Variants in MGMT observed in about 807,000 individuals in gnomAD.
The protein encoded by MGMT is methylated-DNA--protein-cysteine methyltransferase.
A neutral mutation model predicts 15.9 loss-of-function variants in MGMT; 14 were observed. The observed-to-expected ratio is 0.88, with a 90% confidence interval of 0.58 to 1.37. The LOEUF (loss-of-function observed/expected upper bound fraction) is 1.37, where lower values mean the gene tolerates loss of function less well. MGMT is among the 40% of genes most tolerant of loss of function. MGMT has a pLI of 0.00. For missense variants in MGMT, 282 were observed against 268.1 expected, an observed-to-expected ratio of 1.05 and a Z score of -0.36; for synonymous variants, 130 against 118.2, an observed-to-expected ratio of 1.10 and a Z score of -0.65.
chr10:129,622,164 G>A (rs1218301852), intron 2 of MGMT, among the ~76,000 whole-genome samples: 1 of 152,138 alleles, frequency 6.6e-6, no homozygotes, highest in Non-Finnish European at 1.5e-5. Context: ...GCTTTGAGAC[G>A]GAATACCTGA....
intron 2 of MGMT, among the ~76,000 whole-genome samples, chr10:129,679,564 T>C (rs773775093): frequency 1.2e-4 from 19 of 152,196 alleles, no homozygotes; most frequent in Non-Finnish European, 2.1e-4. Context: ...AAAGTTTCTG[T>C]CTTGAATGAA....
intron 2 of MGMT, among the ~76,000 whole-genome samples, chr10:129,677,169 T>TG (rs940819940): frequency 5.1e-4 from 44 of 85,506 alleles, no homozygotes; most frequent in Non-Finnish European, 8.1e-4. Context: ...GAAACACATG[T>TG]GTTTTTTTTT....
chr10:129,489,009 G>T (rs926227613), intron 1 of MGMT, among the ~76,000 whole-genome samples: 1 of 152,054 alleles, frequency 6.6e-6, no homozygotes, highest in Non-Finnish European at 1.5e-5. Flanking sequence ...TGATCTTTTT[G>T]TCTTTCTGTA....
chr10:129,723,306 T>C (rs571391692), intron 3 of MGMT, among the ~76,000 whole-genome samples: 1 of 152,278 alleles, frequency 6.6e-6, no homozygotes, highest in Admixed American at 6.5e-5. Flanking sequence ...CCAAAGTCTA[T>C]TGTGTCATTC....
rs923094434 is a variant in MGMT at position 129,770,568 on chromosome 10, G to A, written c.*3571G>A. On this transcript the variant is annotated 3_prime_UTR_variant, in exon 5 of 5. Transcript: ENST00000651593. ...GTGGCGCCAGCTCGGACTTCACCCC[G>A]TTGGAGCGGGCAGGATGTCACACTG... Among the ~76,000 whole-genome samples, 18 of 152,236 alleles carry A rather than the reference G, an allele frequency of 1.2e-4. No homozygotes were observed. The highest frequency in any genetic ancestry group is 4.1e-4 in the African/African-American group (17 of 41,454).
chr10:129,696,320 TC>T (rs1230631658), intron 2 of MGMT, among the ~76,000 whole-genome samples: 21 of 93,524 alleles, frequency 2.2e-4, no homozygotes, highest in Admixed American at 9.8e-4. Context: ...TTGCATTATA[TC>T]AGGGGGTGGG....
At chr10:129,555,574 G>T (rs1028696449) in intron 2 of MGMT, among the ~76,000 whole-genome samples, 1 of 152,012 alleles carries the variant, frequency 6.6e-6, no homozygotes, top group Non-Finnish European at 1.5e-5. Context: ...AATTATCCAG[G>T]CCTGGTGGAA....
chr10:129,555,000 G>T (rs1448157340), intron 2 of MGMT, among the ~76,000 whole-genome samples: 2 of 152,148 alleles, frequency 1.3e-5, no homozygotes, highest in African/African-American at 4.8e-5. Flanking sequence ...ATAGATTGTT[G>T]GACAATTAAA....
intron 2 of MGMT, among the ~76,000 whole-genome samples, chr10:129,558,633 G>A (rs570536254): frequency 6.6e-6 from 1 of 152,250 alleles, no homozygotes; most frequent in African/African-American, 2.4e-5. Context: ...CTGGAGATTG[G>A]AAATGGTATT....
chr10:129,686,574 G>GTTGGCCAGGGA (rs1554877429), intron 2 of MGMT, among the ~76,000 whole-genome samples: 1 of 61,092 alleles, frequency 1.6e-5, no homozygotes, highest in East Asian at 6.0e-4. Flanking sequence ...GGGGTTTTCT[G>GTTGGCCAGGGA]CTGCTCTCAA....
chr10:129,507,831 T>C (rs1027995225), intron 1 of MGMT, among the ~76,000 whole-genome samples: 12 of 152,212 alleles, frequency 7.9e-5, no homozygotes, highest in Admixed American at 7.9e-4. Context: ...AAAATAAATA[T>C]GGATCTGCTT....
intron 1 of MGMT, among the ~76,000 whole-genome samples, chr10:129,483,842 G>T (rs998904575): frequency 6.6e-6 from 1 of 151,218 alleles, no homozygotes; most frequent in Non-Finnish European, 1.5e-5. Flanking sequence ...GATTTTTTTT[G>T]GATTTTGGAA....
chr10:129,486,519 C>T (rs547341144), intron 1 of MGMT, among the ~76,000 whole-genome samples: 24 of 152,188 alleles, frequency 1.6e-4, no homozygotes, highest in South Asian at 2.1e-4. Flanking sequence ...GCTTTTTGGT[C>T]GTTCAGCTCA....
At chr10:129,481,666 A>G (rs375493444) in intron 1 of MGMT, among the ~76,000 whole-genome samples, 1 of 151,878 alleles carries the variant, frequency 6.6e-6, no homozygotes, top group East Asian at 1.9e-4. Flanking sequence ...ACTTTTTGGG[A>G]TTTTGTATTT....
At chr10:129,538,971 G>A (rs1386163641) in intron 2 of MGMT, among the ~76,000 whole-genome samples, 2 of 152,118 alleles carry the variant, frequency 1.3e-5, no homozygotes, top group Non-Finnish European at 2.9e-5. Flanking sequence ...TTTCTTGTTT[G>A]TGTTTTTGTT....
At chr10:129,501,023 T>C (rs1845569039) in intron 1 of MGMT, among the ~76,000 whole-genome samples, 1 of 152,218 alleles carries the variant, frequency 6.6e-6, no homozygotes, top group Non-Finnish European at 1.5e-5. Context: ...AGCCAAAACA[T>C]TGAGCTCAGT....
At chr10:129,512,222 T>G (rs1203993215) in intron 1 of MGMT, among the ~76,000 whole-genome samples, 1 of 152,172 alleles carries the variant, frequency 6.6e-6, no homozygotes, top group Non-Finnish European at 1.5e-5. Flanking sequence ...GCGATCAGTT[T>G]CACCTGTTTG....
At chr10:129,726,314 C>G (rs1315915176) in intron 3 of MGMT, among the ~76,000 whole-genome samples, 1 of 152,098 alleles carries the variant, frequency 6.6e-6, no homozygotes, top group Non-Finnish European at 1.5e-5. Context: ...CTCTGCTGGC[C>G]AGGTCCTTGA....
intron 2 of MGMT, among the ~76,000 whole-genome samples, chr10:129,613,779 C>T (rs943524743): frequency 9.8e-5 from 15 of 152,316 alleles, no homozygotes; most frequent in African/African-American, 2.9e-4. Flanking sequence ...CCCAGCGTCA[C>T]GCAGTGTCAT....
Sources: gnomAD v4.1 joint callset for allele counts (sites outside exome capture counted in the v4.1 genomes callset) on GRCh38, gnomAD v4.1.1 for gene constraint, MANE v1.5 for transcripts, NCBI Gene and HGNC (gene_info 2026-07-23, HGNC 2026-07-21) for gene names.